KMT2C: variants seen among roughly 807,000 people sequenced by gnomAD.
KMT2C encodes the protein histone-lysine N-methyltransferase 2C.
Under a neutral mutation model 507.9 loss-of-function variants are expected in KMT2C, and 88 were observed. The ratio of observed to expected loss-of-function variants is 0.17; its 90% CI spans 0.15 to 0.21. The LOEUF is 0.21. Ranked by LOEUF, KMT2C falls within the 10% of genes least tolerant of loss-of-function variation. The pLI, the probability that KMT2C is intolerant of heterozygous loss-of-function variation, is 1.00. For synonymous variants in KMT2C, 2,049 were observed against 2,080.8 expected (o/e 0.98, Z 0.42); for missense variants, 4,954 against 5,957.8 (o/e 0.83, Z 5.55).
intron 1 of KMT2C, among the ~76,000 whole-genome samples, chr7:152,415,175 G>A (rs1451766215): frequency 2.0e-5 from 3 of 152,032 alleles, no homozygotes; most frequent in African/African-American, 4.8e-5. Flanking sequence ...CTTATTACTA[G>A]TCCTAGATTA....
chr7:152,368,713 C>T, intron 1 of KMT2C: 4 of 1,248,588 alleles, frequency 3.2e-6, no homozygotes, highest in Non-Finnish European at 4.6e-6. Flanking sequence ...CCAGCTTGGA[C>T]ATCAGTGTTT....
intron 2 of KMT2C, among the ~76,000 whole-genome samples, chr7:152,346,288 C>T (rs550588218): frequency 4.6e-5 from 7 of 152,304 alleles, no homozygotes; most frequent in Admixed American, 2.0e-4. Flanking sequence ...AATACACATG[C>T]TTCTCATCCA....
Position 152,255,108 on chromosome 7 carries a change from CTTATATATATATATATATATATATATAT to C in KMT2C, c.1300-2421_1300-2394del, listed in dbSNP as rs1199451660. Among the ~76,000 whole-genome samples, 52 of 60,678 alleles carry C rather than the reference CTTATATATATATATATATATATATATAT, an allele frequency of 8.6e-4. 1 individual carries two copies. Among genetic ancestry groups the C allele is most frequent in the Admixed American group, 4.0e-3 (22 of 5,442 alleles). The allele number at this position is 60,678 out of a possible 152,430, so 39.8% of individuals were successfully genotyped here. ...AAATCAAGATGTCAATCAACTCTCACTTATATATATATATATATATATATATATATATATATACATATATATATATGTG... is the reference window on the plus strand; with the variant it reads ...AAATCAAGATGTCAATCAACTCTCACATATATATACATATATATATATGTG... On this transcript the variant is annotated intron_variant, in intron 9 of 58. Coordinates refer to ENST00000262189, the MANE Select transcript of KMT2C (RefSeq NM_170606.3).
intron 1 of KMT2C, among the ~76,000 whole-genome samples, chr7:152,412,478 G>GT: frequency 6.6e-6 from 1 of 152,208 alleles, no homozygotes; most frequent in Admixed American, 6.5e-5. Context: ...TTTCTTAAAA[G>GT]TTTTTTAAAC....
intron 16 of KMT2C, among the ~76,000 whole-genome samples, chr7:152,230,900 C>T (rs2095088486): frequency 6.6e-6 from 1 of 152,110 alleles, no homozygotes; most frequent in African/African-American, 2.4e-5. Context: ...TCGTTGCAAC[C>T]TCTGCCTCCT....
chr7:152,422,180 C>T (rs1227298452), intron 1 of KMT2C, among the ~76,000 whole-genome samples: 1 of 151,648 alleles, frequency 6.6e-6, no homozygotes, highest in Admixed American at 6.6e-5. Flanking sequence ...GGCGCAGTGG[C>T]TCACACCTGT....
intron 1 of KMT2C, among the ~76,000 whole-genome samples, chr7:152,358,956 T>G (rs564843546): frequency 7.4e-5 from 11 of 149,208 alleles, no homozygotes; most frequent in Admixed American, 5.3e-4. Context: ...GTTTTGCCCC[T>G]TTTTTAGGTA....
At position 152,297,051 on chromosome 7, in the gene KMT2C, A is replaced by AAGACAGAC. The variant is rs1278668405; in HGVS notation, c.849+12914_849+12915insGTCTGTCT. ...AAAGAAAGAAAGAAAGAAAGAAAGA[A>AAGACAGAC]AGACAGAGAGAGAGAGAGAGAGAGA... On this transcript the variant is annotated intron_variant, in intron 6 of 58. Transcript: ENST00000262189. 4.5e-4 allele frequency among the ~76,000 whole-genome samples: 27 copies of AAGACAGAC among 60,236 alleles called. 1 individual carries two copies. The highest frequency in any genetic ancestry group is 1.2e-3 in the African/African-American group (17 of 14,754). The allele number at this position is 60,236 out of a possible 152,430, so 39.5% of individuals were successfully genotyped here.
At chr7:152,242,100 T>C (rs1248684984) in intron 14 of KMT2C, among the ~76,000 whole-genome samples, 2 of 152,192 alleles carry the variant, frequency 1.3e-5, no homozygotes, top group African/African-American at 4.8e-5. Flanking sequence ...GATCAAGAAC[T>C]TACACAAACC....
chr7:152,258,462 A>T (rs1467180463), intron 9 of KMT2C, among the ~76,000 whole-genome samples: 2 of 152,146 alleles, frequency 1.3e-5, no homozygotes, highest in Admixed American at 1.3e-4. Flanking sequence ...TGCAACCAAA[A>T]CAAAGCAGGT....
At chr7:152,234,091 C>T (rs1357233870) in intron 16 of KMT2C, among the ~76,000 whole-genome samples, 1 of 151,214 alleles carries the variant, frequency 6.6e-6, no homozygotes, top group Non-Finnish European at 1.5e-5. Flanking sequence ...GCAGAGATCA[C>T]GCCACTGCAC....
intron 1 of KMT2C, among the ~76,000 whole-genome samples, chr7:152,415,005 G>A (rs1211397081): frequency 2.0e-5 from 3 of 151,788 alleles, no homozygotes; most frequent in Non-Finnish European, 4.4e-5. Flanking sequence ...CATACCACAT[G>A]CAGCTAATTT....
chr7:152,384,561 C>CACCACCACCACCACCACCACCACCACT (rs2097404244), intron 1 of KMT2C, among the ~76,000 whole-genome samples: 1 of 139,878 alleles, frequency 7.1e-6, no homozygotes, highest in African/African-American at 2.7e-5. Flanking sequence ...CCACCACCAC[C>CACCACCACCACCACCACCACCACCACT]ACCACCACCA....
chr7:152,155,986 G>A lies in KMT2C; in HGVS notation c.11884C>T (p.Leu3962Phe), dbSNP rs141703021. The A allele has an allele frequency of 5.6e-6, 9 of 1,610,826 alleles. No individual in the cohort carries two copies. The African/African-American group carries it at 1.2e-4, about 22-fold the overall frequency. Residue 3962 changes from leucine to phenylalanine, a missense_variant, in exon 46 of 59, where the codon CTT (leucine) becomes TTT (phenylalanine). Around this residue, in one of 29 missense-constraint regions of KMT2C, gnomAD observed 104 missense variants for 134.3 expected, o/e 0.77. Coordinates refer to ENST00000262189, the MANE Select transcript of KMT2C (RefSeq NM_170606.3). ...RPQDDLLARALAQGPKTVDVP... is the reference protein window; with the variant it reads ...RPQDDLLARAFAQGPKTVDVP... ...TCAACTGTCTTGGGGCCCTGAGCAA[G>A]AGCTCGGGCCAACAAGTCGTCCTGG...
chr7:152,348,599 T>TAAAAAA (rs201530125), intron 2 of KMT2C, among the ~76,000 whole-genome samples: 45 of 48,964 alleles, frequency 9.2e-4, no homozygotes, highest in Non-Finnish European at 1.1e-3. Context: ...AACTCTGTCT[T>TAAAAAA]AAAAAAAAAA....
chr7:152,176,341 CTAA>C lies in KMT2C; in HGVS notation c.9109_9111del (p.Leu3037del), dbSNP rs772433974. 5.5e-5 allele frequency: 88 copies of C among 1,613,976 alleles called. 2 individuals carry two copies. In the South Asian group the frequency reaches 5.5e-4, roughly 10 times the overall value. Reference sequence around the variant, plus strand: ...AGGGGCCTCTCTCTATTCTGCTGTGCTAATGTTTGAGGAATCATTAGCTGTTGG... The same window carrying C: ...AGGGGCCTCTCTCTATTCTGCTGTGCTGTTTGAGGAATCATTAGCTGTTGG... On this transcript the variant is annotated inframe_deletion, in exon 38 of 59. Transcript: ENST00000262189.
chr7:152,142,399 G>GT (rs1169853854), intron 55 of KMT2C, among the ~76,000 whole-genome samples: 1 of 152,152 alleles, frequency 6.6e-6, no homozygotes, highest in Non-Finnish European at 1.5e-5. Context: ...TTCAATTAAG[G>GT]TAACATCAGT....
intron 58 of KMT2C, 164 bp from the exon 59 acceptor site, chr7:152,137,088 A>G: frequency 1.6e-6 from 1 of 607,308 alleles, no homozygotes; most frequent in Non-Finnish European, 2.9e-6. Flanking sequence ...CCCTGAAAAG[A>G]GGCATTGTGC....
intron 9 of KMT2C, among the ~76,000 whole-genome samples, chr7:152,255,109 T>TTATATATATATATATATATA (rs1207305132): frequency 7.7e-5 from 6 of 78,342 alleles, no homozygotes; most frequent in Admixed American, 1.4e-4. Context: ...CAACTCTCAC[T>TTATATATATATATATATATA]TATATATATA....
Sources: allele counts gnomAD v4.1 joint callset (sites outside exome capture counted in the v4.1 genomes callset), GRCh38; gene constraint gnomAD v4.1.1; regional missense constraint gnomAD v4.1.1; transcripts MANE v1.5; gene names NCBI Gene and HGNC (gene_info 2026-07-23, HGNC 2026-07-21).